DMD: variants seen among roughly 807,000 people sequenced by gnomAD.
DMD encodes mutant dystrophin.
In DMD, 63 loss-of-function variants were observed where a neutral mutation model predicts 330.1. The observed-to-expected ratio is 0.19, with a 90% CI of 0.16 to 0.24. DMD has a LOEUF of 0.24. DMD is among the 10% of genes least tolerant of loss of function. DMD has a pLI of 1.00. For missense variants in DMD, 3,344 were observed against 2,684.1 expected, an observed-to-expected ratio of 1.25 and a Z score of -5.43; for synonymous variants, 1,223 against 959.8, an observed-to-expected ratio of 1.27 and a Z score of -5.07.
chrX:32,588,600 A>G (rs961618305), intron 13 of DMD, among the ~76,000 whole-genome samples: 3 of 111,756 alleles, frequency 2.7e-5, no homozygotes, highest in Non-Finnish European at 5.6e-5. Flanking sequence ...TCAGGATTTT[A>G]AGCAAAGGAG....
intron 47 of DMD, among the ~76,000 whole-genome samples, chrX:31,883,215 G>A (rs773551496): frequency 9.0e-6 from 1 of 111,489 alleles, no homozygotes; most frequent in African/African-American, 3.3e-5. Flanking sequence ...TCAAATACAA[G>A]GGCATATACT....
intron 2 of DMD, among the ~76,000 whole-genome samples, chrX:32,900,043 T>A (rs745604285): frequency 8.9e-6 from 1 of 112,368 alleles, no homozygotes; most frequent in Non-Finnish European, 1.9e-5. Context: ...TTTAAACTTA[T>A]GTGATTTAAC....
intron 44 of DMD, among the ~76,000 whole-genome samples, chrX:32,163,102 C>G (rs2096856143): frequency 9.0e-6 from 1 of 111,515 alleles, no homozygotes; most frequent in Non-Finnish European, 1.9e-5. Context: ...CCTCTACCAT[C>G]TAACTTGATC....
rs186810012 is a variant in DMD at position 32,236,738 on chromosome X, C to T, written c.6291-19675G>A. On this transcript the variant is annotated intron_variant, in intron 43 of 78. Coordinates refer to ENST00000357033, the MANE Select transcript of DMD (RefSeq NM_004006.3). ...ACTGTAAGTCCATTAAATCCTTTTT[C>T]CTGTATAAATGACCCAGTCTCATGT... Among the ~76,000 whole-genome samples, 734 of 111,805 alleles carry T rather than the reference C, an allele frequency of 6.6e-3. 5 individuals carry two copies. The highest frequency in any genetic ancestry group is 0.022 in the African/African-American group (689 of 30,822).
chrX:31,994,907 T>C (rs1041048093), intron 44 of DMD, among the ~76,000 whole-genome samples: 1 of 112,260 alleles, frequency 8.9e-6, no homozygotes, highest in African/African-American at 3.2e-5. Flanking sequence ...AGTCAGGAAA[T>C]TCACTTGTCA....
At position 31,347,467 on chromosome X, in the gene DMD, T is replaced by A. The variant is rs138895995; in HGVS notation, c.9163+1089A>T. Among the ~76,000 whole-genome samples the A allele has an allele frequency of 8.1e-5, 9 of 111,636 alleles. 1 individual carries two copies. In the East Asian group the frequency reaches 2.5e-3, roughly 31 times the overall value. ...TATGTTTATTATCAATTTTTTTAGCTCCCACAAGAGTAAGAACATGCGATT... is the reference window on the plus strand; with the variant it reads ...TATGTTTATTATCAATTTTTTTAGCACCCACAAGAGTAAGAACATGCGATT... On this transcript the variant is annotated intron_variant, in intron 61 of 78. Coordinates refer to ENST00000357033, the MANE Select transcript of DMD (RefSeq NM_004006.3).
intron 29 of DMD, among the ~76,000 whole-genome samples, chrX:32,414,013 G>GC (rs1306620524): frequency 5.4e-5 from 6 of 111,225 alleles, no homozygotes; most frequent in Non-Finnish European, 1.1e-4. Context: ...GAGACATTGC[G>GC]CGCAGCCAAA....
chrX:31,775,782 A>G (rs1340762853), intron 50 of DMD, among the ~76,000 whole-genome samples: 1 of 109,887 alleles, frequency 9.1e-6, no homozygotes, highest in Non-Finnish European at 1.9e-5. Flanking sequence ...TCCTCATTAG[A>G]GAAGAAGATG....
At chrX:32,345,263 A>C (rs981007599) in intron 39 of DMD, among the ~76,000 whole-genome samples, 4 of 111,507 alleles carry the variant, frequency 3.6e-5, no homozygotes, top group African/African-American at 1.3e-4. Flanking sequence ...TAGTCTCAAG[A>C]ACTTCCTAGA....
chrX:33,239,259 G>A (rs1469375467), intron 1 of DMD, among the ~76,000 whole-genome samples: 3 of 63,175 alleles, frequency 4.7e-5, no homozygotes, highest in Non-Finnish European at 8.0e-5. Context: ...GGGTGACAGA[G>A]CAAGACTCTG....
intron 49 of DMD, among the ~76,000 whole-genome samples, chrX:31,829,614 G>A (rs2092975112): frequency 9.1e-6 from 1 of 109,690 alleles, no homozygotes; most frequent in Non-Finnish European, 1.9e-5. Flanking sequence ...ATTTGATGTA[G>A]AATAAGTAAG....
chrX:32,074,850 ACAGCAG>A (rs1283512424), intron 44 of DMD, among the ~76,000 whole-genome samples: 1 of 105,286 alleles, frequency 9.5e-6, no homozygotes. Context: ...AAGGGGAAAA[ACAGCAG>A]CAGCAGCAGC....
At chrX:31,798,582 G>A (rs903113057) in intron 50 of DMD, among the ~76,000 whole-genome samples, 13 of 110,426 alleles carry the variant, frequency 1.2e-4, no homozygotes, top group African/African-American at 3.6e-4. Flanking sequence ...ACCATGTAGT[G>A]CAAACATCAC....
In DMD at chrX:31,705,968, T is replaced by A. The variant is rs143957858; in HGVS notation, c.7660+23663A>T. On this transcript the variant is annotated intron_variant, in intron 52 of 78. Transcript: ENST00000357033. Reference sequence around the variant, plus strand: ...AATAAGACATTCAGGAAAGGTTATATTATTCTTACTTTCAAGGCAGAAGCT... The same window carrying A: ...AATAAGACATTCAGGAAAGGTTATAATATTCTTACTTTCAAGGCAGAAGCT... Among the ~76,000 whole-genome samples the A allele has an allele frequency of 3.6e-5, 4 of 111,263 alleles. No individual in the cohort carries two copies. The South Asian group carries it at 1.5e-3, about 42-fold the overall frequency.
intron 11 of DMD, among the ~76,000 whole-genome samples, chrX:32,637,673 G>C (rs1442934597): frequency 9.0e-6 from 1 of 111,531 alleles, no homozygotes; most frequent in Non-Finnish European, 1.9e-5. Flanking sequence ...AATCATGATG[G>C]AAGGGGAAGC....
intron 20 of DMD, among the ~76,000 whole-genome samples, chrX:32,488,559 C>T (rs2042696218): frequency 9.0e-6 from 1 of 111,657 alleles, no homozygotes; most frequent in African/African-American, 3.3e-5. Context: ...TAATATTAAG[C>T]TTATCTTGCT....
chrX:32,472,204 G>A lies in DMD; in HGVS notation c.2909C>T (p.Thr970Ile). The change falls in exon 22 of 79, where the codon ACC becomes ATC. Residue 970 changes from threonine to isoleucine, a missense_variant. Thr to Ile is a moderately conservative substitution (Grantham distance 89). Coordinates refer to ENST00000357033, the MANE Select transcript of DMD (RefSeq NM_004006.3). ...TCTCTGCTCCATGATTTCATAGTCG[G>A]TGACACTAAGTTGAGGTATGGAGAG... ...TKLSIPQLSV[T>I]DYEIMEQRLG... 3.3e-6 allele frequency: 4 copies of A among 1,211,121 alleles called. No homozygotes were observed. Among genetic ancestry groups the A allele is most frequent in the Non-Finnish European group, 4.5e-6 (4 of 895,077 alleles).
chrX:32,670,750 A>G (rs2061582074), intron 9 of DMD, among the ~76,000 whole-genome samples: 1 of 112,407 alleles, frequency 8.9e-6, no homozygotes, highest in Non-Finnish European at 1.9e-5. Context: ...TATTTTTAGT[A>G]AAGATTCATC....
rs150775897 is a variant in DMD at position 33,142,361 on chromosome X, A to G, written c.31+68921T>C. ...TGGCCTCCCAAAGTACTGGGATTAC[A>G]GGCGTGAGCCGCTGTGCCCGGCGAG... is the stretch of plus-strand genomic sequence containing the variant. On this transcript the variant is annotated intron_variant, in intron 1 of 78. Coordinates refer to ENST00000357033, the MANE Select transcript of DMD (RefSeq NM_004006.3). Among the ~76,000 whole-genome samples the G allele has an allele frequency of 9.7e-3, 1,097 of 113,202 alleles. 12 individuals are homozygous for G. The highest frequency in any genetic ancestry group is 0.032 in the African/African-American group (1,015 of 31,249).
Sources: gnomAD v4.1 joint callset for allele counts (sites outside exome capture counted in the v4.1 genomes callset) on GRCh38, gnomAD v4.1.1 for gene constraint, MANE v1.5 for transcripts, NCBI Gene and HGNC (gene_info 2026-07-23, HGNC 2026-07-21) for gene names.